The following ADAM10 variants were observed in gnomAD, a reference collection of about 807,000 sequenced individuals.
ADAM10 encodes the protein ADAM metallopeptidase domain 10, also known as disintegrin and metalloproteinase domain-containing protein 10.
In ADAM10, 17 loss-of-function variants were observed where a neutral mutation model predicts 90.1. The observed-to-expected ratio is 0.19, with a 90% CI of 0.13 to 0.28. The LOEUF (loss-of-function observed/expected upper bound fraction) is 0.28. ADAM10 is among the 10% of genes least tolerant of loss of function. ADAM10 has a pLI of 1.00. For missense variants in ADAM10, 610 were observed against 914.3 expected (o/e 0.67, Z 4.29); for synonymous variants, 310 against 298.6 (o/e 1.04, Z -0.40).
rs138401885 is a variant in ADAM10, at chr15:58,622,791, C to T, written c.1361-1170G>A. On this transcript the variant is annotated intron_variant, in intron 10 of 15. Coordinates refer to ENST00000260408, the MANE Select transcript of ADAM10 (RefSeq NM_001110.4). ...GGAATTTAAAATTGGAATAGAAATG[C>T]TCCTCTTTGTAAGATCATAAAATCA... Among the ~76,000 whole-genome samples, 73 of 152,278 alleles carry T rather than the reference C, an allele frequency of 4.8e-4. No homozygotes were observed. The East Asian group carries it at 0.013, about 28-fold the overall frequency.
intron 6 of ADAM10, among the ~76,000 whole-genome samples, chr15:58,645,677 C>A (rs578185412): frequency 6.6e-6 from 1 of 152,088 alleles, no homozygotes; most frequent in South Asian, 2.1e-4. Context: ...GACACAAGTA[C>A]AAATAATAAT....
At chr15:58,677,278 T>C (rs1897320933) in intron 4 of ADAM10, among the ~76,000 whole-genome samples, 1 of 152,152 alleles carries the variant, frequency 6.6e-6, no homozygotes, top group African/African-American at 2.4e-5. Flanking sequence ...ATAAAAAGAA[T>C]GTTAAAAAGT....
intron 5 of ADAM10, among the ~76,000 whole-genome samples, chr15:58,660,834 GAAC>G (rs1349005105): frequency 1.3e-5 from 2 of 152,074 alleles, no homozygotes; most frequent in Non-Finnish European, 2.9e-5. Context: ...TTAGACTTTT[GAAC>G]AACATGTAGT....
At chr15:58,734,182 CTAAAT>C (rs1289744274) in intron 1 of ADAM10, among the ~76,000 whole-genome samples, 9 of 152,076 alleles carry the variant, frequency 5.9e-5, no homozygotes, top group East Asian at 1.9e-4. Flanking sequence ...TCTTGTTTAA[CTAAAT>C]TAAACAATAA....
At chr15:58,717,893 T>C (rs1463247948) in intron 1 of ADAM10, among the ~76,000 whole-genome samples, 166 bp from the exon 2 acceptor site, 2 of 152,200 alleles carry the variant, frequency 1.3e-5, no homozygotes, top group Non-Finnish European at 2.9e-5. Flanking sequence ...TTAAAACTTA[T>C]TGTGAGGGTA....
chr15:58,712,101 C>T (rs1381736036), intron 2 of ADAM10, among the ~76,000 whole-genome samples: 1 of 152,042 alleles, frequency 6.6e-6, no homozygotes, highest in Non-Finnish European at 1.5e-5. Flanking sequence ...AAATCTAAGA[C>T]AGATATTTAT....
chr15:58,727,203 T>C (rs1328335176), intron 1 of ADAM10, among the ~76,000 whole-genome samples: 2 of 128,110 alleles, frequency 1.6e-5, no homozygotes, highest in South Asian at 2.6e-4. Context: ...TTTTTTTTTT[T>C]TTCCCAAAAA....
intron 15 of ADAM10, among the ~76,000 whole-genome samples, chr15:58,599,056 G>A (rs1235084121): frequency 1.3e-5 from 2 of 152,066 alleles, no homozygotes; most frequent in Non-Finnish European, 2.9e-5. Context: ...TGGGTGCAGT[G>A]CACGCGCCTA....
intron 10 of ADAM10, among the ~76,000 whole-genome samples, chr15:58,623,093 A>ATC (rs1895835353): frequency 6.6e-6 from 1 of 152,242 alleles, no homozygotes; most frequent in Admixed American, 6.5e-5. Context: ...GAACCCATAC[A>ATC]TCTCAACACA....
chr15:58,693,031 T>A (rs749046286), intron 2 of ADAM10: 1 of 770,004 alleles, frequency 1.3e-6, no homozygotes, highest in East Asian at 2.6e-5. Context: ...CAGGCTCTCA[T>A]AGCGAATCTT....
chr15:58,639,861 GCTT>G (rs1896369489), intron 8 of ADAM10, among the ~76,000 whole-genome samples: 1 of 151,124 alleles, frequency 6.6e-6, no homozygotes. Flanking sequence ...GAATACAAAA[GCTT>G]CTCTTACTCT....
chr15:58,723,746 C>A lies in ADAM10; in HGVS notation c.56-6019G>T, dbSNP rs113902803. 3.2e-3 allele frequency among the ~76,000 whole-genome samples: 489 copies of A among 151,818 alleles called. 5 individuals are homozygous for A. The highest frequency in any genetic ancestry group is 0.011 in the African/African-American group (468 of 41,420). On this transcript the variant is annotated intron_variant, in intron 1 of 15. Transcript: ENST00000260408. ...AAAAATAAACTCACCCACTTTATAT[C>A]ATAGCAAAAAGAATAACTGGGTAGA...
intron 1 of ADAM10, among the ~76,000 whole-genome samples, chr15:58,721,340 A>G (rs1295466734): frequency 6.6e-6 from 1 of 152,232 alleles, no homozygotes; most frequent in Non-Finnish European, 1.5e-5. Flanking sequence ...ACAGTTACCA[A>G]GTCCATCTCA....
rs1894800380 is a variant in ADAM10, at chr15:58,590,351, T to A, written c.*7196A>T. The A allele has an allele frequency of 6.6e-6, 1 of 152,242 alleles. No individual in the cohort carries two copies. 9.4% of individuals were successfully genotyped at this position (152,242 alleles called of 1,614,324 possible). On this transcript the variant is annotated 3_prime_UTR_variant, in exon 16 of 16. Transcript: ENST00000260408. Reference sequence around the variant, plus strand: ...GATATCTATCTCACCTACAAGACCATACGCTTCACCAGGGCAGGGAAACTG... The same window carrying A: ...GATATCTATCTCACCTACAAGACCAAACGCTTCACCAGGGCAGGGAAACTG...
In ADAM10 at chr15:58,736,465, T is replaced by C. The variant is rs151103720; in HGVS notation, c.55+13015A>G. 7.8e-4 allele frequency among the ~76,000 whole-genome samples: 119 copies of C among 152,270 alleles called. 2 individuals are homozygous for C. Among genetic ancestry groups the C allele is most frequent in the African/African-American group, 2.8e-3 (116 of 41,560 alleles). ...ACAGTCACATGGCACCTAATACTTATAAGCCCCATGGGAAATTTGAACATC... is the reference window on the plus strand; with the variant it reads ...ACAGTCACATGGCACCTAATACTTACAAGCCCCATGGGAAATTTGAACATC... On this transcript the variant is annotated intron_variant, in intron 1 of 15. Transcript: ENST00000260408.
At position 58,665,181 on chromosome 15, in the gene ADAM10, G is replaced by A. The variant is rs200804344; in HGVS notation, c.501C>T (p.Tyr167=). The A allele has an allele frequency of 8.9e-5, 143 of 1,610,632 alleles. No homozygotes were observed. The highest frequency in any genetic ancestry group is 1.1e-4 in the Non-Finnish European group (128 of 1,177,040). Residue 167 remains tyrosine (Y), a synonymous_variant, in exon 5 of 16, where the codon TAC becomes TAT. Transcript: ENST00000260408. The part of the protein sequence containing the change: ...HEDDINYPHK[Y]GPQGGCADHS... ...GATCTGCACAGCCCCCCTGAGGACC[G>A]TATTTATGGGGATAGTCTAAAATAC...
intron 5 of ADAM10, among the ~76,000 whole-genome samples, chr15:58,661,989 T>C (rs1240823462): frequency 6.6e-6 from 1 of 152,214 alleles, no homozygotes. Flanking sequence ...AACATACTAA[T>C]AATAGTTGTT....
rs1440869136 is a variant in ADAM10, at chr15:58,613,814, A to T, written c.1512-1823T>A. 2.0e-5 allele frequency among the ~76,000 whole-genome samples: 3 copies of T among 152,170 alleles called. No homozygotes were observed. In the East Asian group the frequency reaches 5.8e-4, roughly 29 times the overall value. On this transcript the variant is annotated intron_variant, in intron 11 of 15. Coordinates refer to ENST00000260408, the MANE Select transcript of ADAM10 (RefSeq NM_001110.4). ...GACACCACCAAGTGAATAAATTTTCATATTATAAGAGCTGCAGAAGGTTGG... is the reference window on the plus strand; with the variant it reads ...GACACCACCAAGTGAATAAATTTTCTTATTATAAGAGCTGCAGAAGGTTGG...
At chr15:58,725,946 A>T (rs1451578280) in intron 1 of ADAM10, among the ~76,000 whole-genome samples, 1 of 152,236 alleles carries the variant, frequency 6.6e-6, no homozygotes, top group South Asian at 2.1e-4. Flanking sequence ...GATAGAAGGA[A>T]TAATACCAGA....
Sources: allele counts gnomAD v4.1 joint callset (sites outside exome capture counted in the v4.1 genomes callset), GRCh38; gene constraint gnomAD v4.1.1; transcripts MANE v1.5; gene names NCBI Gene and HGNC (gene_info 2026-07-23, HGNC 2026-07-21).